MTA3: variants seen among roughly 807,000 people sequenced by gnomAD.
The protein encoded by MTA3 is metastasis associated 1 family member 3, also known as metastasis-associated protein MTA3.
A neutral mutation model predicts 83.5 loss-of-function variants in MTA3; 34 were observed. That is an observed-to-expected ratio of 0.41 (90% CI 0.31 to 0.54). The LOEUF (loss-of-function observed/expected upper bound fraction) is 0.54, where lower values mean the gene tolerates loss of function less well. MTA3 is among the 20% of genes least tolerant of loss of function. MTA3 has a pLI of 0.33. For missense variants in MTA3, 761 were observed against 726.4 expected (o/e 1.05, Z -0.55); for synonymous variants, 303 against 252.7 (o/e 1.20, Z -1.89).
chr2:42,538,487 C>A (rs1200689614), intron 2 of MTA3, among the ~76,000 whole-genome samples: 1 of 151,876 alleles, frequency 6.6e-6, no homozygotes, highest in East Asian at 2.0e-4. Flanking sequence ...GCAAGCAGAT[C>A]ACCTGAGGTG....
At chr2:42,698,647 C>CCTTTT (rs964650780) in intron 11 of MTA3, among the ~76,000 whole-genome samples, 5 of 152,074 alleles carry the variant, frequency 3.3e-5, no homozygotes, top group African/African-American at 1.2e-4. Context: ...CTGCTCTAAG[C>CCTTTT]CTTTTCTCCC....
At chr2:42,678,252 C>T (rs1397220281) in intron 8 of MTA3, among the ~76,000 whole-genome samples, 3 of 152,120 alleles carry the variant, frequency 2.0e-5, no homozygotes, top group Non-Finnish European at 2.9e-5. Context: ...TACACATGGC[C>T]AGTGGCCTTT....
chr2:42,748,332 G>A (rs1490917320), intron 16 of MTA3, among the ~76,000 whole-genome samples: 8 of 151,874 alleles, frequency 5.3e-5, no homozygotes, highest in African/African-American at 1.9e-4. Context: ...CCAAAGTGTT[G>A]GGATTACAGG....
chr2:42,627,930 G>C (rs1031102979), intron 4 of MTA3, among the ~76,000 whole-genome samples: 1 of 151,734 alleles, frequency 6.6e-6, no homozygotes, highest in African/African-American at 2.4e-5. Flanking sequence ...TGTTGCCCAG[G>C]CTGGAGTGCA....
intron 6 of MTA3, among the ~76,000 whole-genome samples, chr2:42,647,155 T>TAAAAAAAAAAAAAA (rs1553373420): frequency 2.2e-4 from 20 of 92,006 alleles, no homozygotes; most frequent in South Asian, 9.3e-4. Flanking sequence ...AGACTCTGTC[T>TAAAAAAAAAAAAAA]AAAAAAAAAA....
At chr2:42,635,349 C>T (rs965866013) in intron 4 of MTA3, among the ~76,000 whole-genome samples, 15 of 152,058 alleles carry the variant, frequency 9.9e-5, no homozygotes, top group African/African-American at 3.6e-4. Context: ...TAACTTGGGC[C>T]GGGCAAAGTG....
rs1670268283 is a variant in MTA3, at chr2:42,756,786, C to G, written c.*3387C>G. 1 of 985,362 alleles carries G rather than the reference C, an allele frequency of 1.0e-6. No homozygotes were observed. The allele number at this position is 985,362 out of a possible 1,614,324, so 61.0% of individuals were successfully genotyped here. A position where few individuals can be genotyped will look rare whatever the true frequency, so the allele number is the denominator to read the frequency against. The stretch of plus-strand genomic sequence containing the variant: ...CTCTGCACTATGTCTCTGATTTTCC[C>G]TGCCAGGGAAGCTAACCCAGAGCAC... On this transcript the variant is annotated 3_prime_UTR_variant, in exon 17 of 17. Coordinates refer to ENST00000405094, the MANE Select transcript of MTA3 (RefSeq NM_001330442.2).
intron 2 of MTA3, among the ~76,000 whole-genome samples, 191 bp downstream of exon 2, chr2:42,570,695 A>AT (rs200474055): frequency 0.01 from 1,562 of 151,100 alleles, 23 homozygotes; most frequent in African/African-American, 0.036. Context: ...CCTATCTCTT[A>AT]TTTTTTTTTA....
chr2:42,498,140 A>G (rs184454516), intron 2 of MTA3, among the ~76,000 whole-genome samples: 9 of 152,352 alleles, frequency 5.9e-5, no homozygotes, highest in African/African-American at 1.7e-4. Flanking sequence ...TGTCTGCTTT[A>G]AAAAGCCCTT....
intron 2 of MTA3, among the ~76,000 whole-genome samples, chr2:42,517,355 T>C (rs975573622): frequency 1.2e-4 from 19 of 152,084 alleles, no homozygotes; most frequent in African/African-American, 3.4e-4. Flanking sequence ...GTGCATCACC[T>C]GAGGTCAGGA....
chr2:42,735,037 G>T (rs1668511677), intron 16 of MTA3, among the ~76,000 whole-genome samples: 1 of 152,136 alleles, frequency 6.6e-6, no homozygotes, highest in Non-Finnish European at 1.5e-5. Flanking sequence ...GTTTTTCTGT[G>T]TGCTTACTAT....
chr2:42,589,496 C>T, intron 3 of MTA3, among the ~76,000 whole-genome samples: 1 of 152,104 alleles, frequency 6.6e-6, no homozygotes, highest in South Asian at 2.1e-4. Flanking sequence ...AAGTCTGACT[C>T]CTTTTTTCCA....
intron 2 of MTA3, among the ~76,000 whole-genome samples, chr2:42,510,139 A>T (rs780983355): frequency 5.9e-5 from 9 of 152,132 alleles, no homozygotes; most frequent in Admixed American, 2.6e-4. Context: ...CAGCCTGGCC[A>T]ATATGGTGAA....
intron 6 of MTA3, among the ~76,000 whole-genome samples, chr2:42,644,624 C>A (rs192899908): frequency 1.8e-4 from 27 of 152,226 alleles, no homozygotes; most frequent in African/African-American, 6.5e-4. Flanking sequence ...TTTGTGGCAA[C>A]CCTGTTGAGT....
intron 12 of MTA3, among the ~76,000 whole-genome samples, chr2:42,707,046 C>T (rs915057322): frequency 2.7e-5 from 4 of 149,464 alleles, no homozygotes; most frequent in African/African-American, 7.4e-5. Context: ...ATCACAGTGG[C>T]CTCAACCTCC....
intron 16 of MTA3, among the ~76,000 whole-genome samples, chr2:42,750,897 T>G: frequency 6.6e-6 from 1 of 152,218 alleles, no homozygotes; most frequent in East Asian, 1.9e-4. Flanking sequence ...TCAAAGAGCC[T>G]TTAACTCCTC....
intron 2 of MTA3, among the ~76,000 whole-genome samples, chr2:42,540,512 T>C (rs745976502): frequency 5.9e-5 from 9 of 152,064 alleles, no homozygotes; most frequent in Non-Finnish European, 1.2e-4. Flanking sequence ...TGTCTATATT[T>C]TGAAAAAGTA....
At position 42,755,662 on chromosome 2, in the gene MTA3, T is replaced by C; in HGVS notation, c.*2263T>C. 1 of 985,532 alleles carries C rather than the reference T, an allele frequency of 1.0e-6. No individual in the cohort carries two copies. Among genetic ancestry groups the C allele is most frequent in the Non-Finnish European group, 1.2e-6 (1 of 829,986 alleles). The allele number at this position is 985,532 out of a possible 1,614,324, so 61.0% of individuals were successfully genotyped here. ...TGGAGGAAGGGTGCCGAGGCGCCTC[T>C]AGTCTGTGCCTTTGCCGTTGGAAGC... On this transcript the variant is annotated 3_prime_UTR_variant, in exon 17 of 17. Coordinates refer to ENST00000405094, the MANE Select transcript of MTA3 (RefSeq NM_001330442.2).
At chr2:42,712,651 C>G (rs1315651622) in intron 14 of MTA3, 1 of 152,100 alleles carries the variant, frequency 6.6e-6, no homozygotes, top group East Asian at 1.9e-4. Flanking sequence ...GATTGGTAGA[C>G]CAAAATTCTT....
Sources: gnomAD v4.1 joint callset for allele counts (sites outside exome capture counted in the v4.1 genomes callset) on GRCh38, gnomAD v4.1.1 for gene constraint, MANE v1.5 for transcripts, NCBI Gene and HGNC (gene_info 2026-07-23, HGNC 2026-07-21) for gene names.